FANCD2OS: variants seen among roughly 807,000 people sequenced by gnomAD.
FANCD2OS encodes FANCD2 opposite strand.
A neutral mutation model predicts 13.2 loss-of-function variants in FANCD2OS; 11 were observed. The observed-to-expected ratio is 0.83, with a 90% CI of 0.52 to 1.38. FANCD2OS has a LOEUF of 1.38. Among genes scored for constraint, FANCD2OS ranks in the 40% most tolerant of loss-of-function variants. The pLI, the probability that FANCD2OS is intolerant of heterozygous loss-of-function variation, is 0.00. For synonymous variants in FANCD2OS, 69 were observed against 84.5 expected (o/e 0.82, Z 1.01); for missense variants, 217 against 213.9 (o/e 1.01, Z -0.09).
rs780304251 is a variant in FANCD2OS, at chr3:10,088,534, T to C, written c.*44-7003A>G. On this transcript the variant is annotated intron_variant, in intron 2 of 2. Transcript: ENST00000524279. ...ACATCTCTAATGACCAGCTCCATGCTCTGCTCTGGTGAGATGTTTGGTTTC... is the reference window on the plus strand; with the variant it reads ...ACATCTCTAATGACCAGCTCCATGCCCTGCTCTGGTGAGATGTTTGGTTTC... 4.4e-6 allele frequency: 7 copies of C among 1,599,028 alleles called. No homozygotes were observed. In the Admixed American group the frequency reaches 5.0e-5, roughly 11 times the overall value.
chr3:10,095,159 C>A, intron 2 of FANCD2OS: 1 of 1,499,476 alleles, frequency 6.7e-7, no homozygotes, highest in Non-Finnish European at 9.3e-7. Flanking sequence ...AAAATGAAAT[C>A]AGGACATTTC....
chr3:10,103,275 G>C (rs755243037), downstream of FANCD2OS, among the ~76,000 whole-genome samples: 18 of 152,134 alleles, frequency 1.2e-4, no homozygotes, highest in Non-Finnish European at 2.5e-4. Context: ...GGTGGCACAT[G>C]CCTGTAATCC....
At chr3:10,107,585 C>A (rs573330660) in intron 1 of FANCD2OS, among the ~76,000 whole-genome samples, 5 of 151,648 alleles carry the variant, frequency 3.3e-5, no homozygotes, top group Non-Finnish European at 7.4e-5. Context: ...CGGGCCCGGG[C>A]CCCCCGGATC....
chr3:10,095,548 C>T (rs542414637), intron 2 of FANCD2OS, among the ~76,000 whole-genome samples: 271 of 152,318 alleles, frequency 1.8e-3, no homozygotes, highest in African/African-American at 6.2e-3. Context: ...TATATGTTTA[C>T]TTCTGCAAAG....
chr3:10,081,427 C>G (rs2125060150), exon 3 of FANCD2OS: 1 of 1,614,008 alleles, frequency 6.2e-7, no homozygotes, highest in Non-Finnish European at 8.5e-7. Flanking sequence ...TTCCTGCTAT[C>G]AGAGGCTGCT....
chr3:10,101,442 G>C (rs2125106081), downstream of FANCD2OS: 1 of 553,998 alleles, frequency 1.8e-6, no homozygotes, highest in East Asian at 3.0e-5. Context: ...CTGGAGTGCA[G>C]TGCTGCAATC....
chr3:10,095,710 T>A (rs1183789333), intron 2 of FANCD2OS, among the ~76,000 whole-genome samples: 2 of 152,200 alleles, frequency 1.3e-5, no homozygotes, highest in African/African-American at 4.8e-5. Flanking sequence ...ATTAAAGGAT[T>A]TTTCCACTTG....
At chr3:10,102,830 G>A (rs558320115), downstream of FANCD2OS, 751 of 165,724 alleles carry the variant, frequency 4.5e-3, 15 homozygotes, top group South Asian at 0.025. Context: ...GCAACAGAGC[G>A]AGACTCCGTC....
In FANCD2OS at chr3:10,085,788, C is replaced by T. The variant is rs757127466; in HGVS notation, c.*44-4257G>A. On this transcript the variant is annotated intron_variant, in intron 2 of 2. Coordinates refer to the FANCD2OS transcript ENST00000524279. The stretch of plus-strand genomic sequence containing the variant: ...AGTAGTTTTCCAGAAACTAAGCTAA[C>T]CCCTCTTACCTTGACTTCCTTAGGA... 5.4e-6 allele frequency: 8 copies of T among 1,477,470 alleles called. No individual in the cohort carries two copies. In the African/African-American group the frequency reaches 9.7e-5, roughly 18 times the overall value. The allele number at this position is 1,477,470 out of a possible 1,614,324, so 91.5% of individuals were successfully genotyped here. A position where few individuals can be genotyped will look rare whatever the true frequency, so the allele number is the denominator to read the frequency against.
downstream of FANCD2OS, chr3:10,098,939 T>G: frequency 6.2e-7 from 1 of 1,614,206 alleles, no homozygotes; most frequent in Non-Finnish European, 8.5e-7. Flanking sequence ...CCCATTTCCA[T>G]TCCCTCCATA....
chr3:10,095,396 C>T, intron 2 of FANCD2OS: 1 of 815,632 alleles, frequency 1.2e-6, no homozygotes, highest in Non-Finnish European at 2.1e-6. Context: ...TGTCCAAAGG[C>T]AGTTTATTCA....
At chr3:10,084,802 C>G (rs889215920) in intron 2 of FANCD2OS, among the ~76,000 whole-genome samples, 2 of 152,096 alleles carry the variant, frequency 1.3e-5, no homozygotes, top group Admixed American at 6.6e-5. Context: ...AAAGGTCAGG[C>G]AGAATAATTT....
chr3:10,095,286 A>T, intron 2 of FANCD2OS: 2 of 1,612,344 alleles, frequency 1.2e-6, no homozygotes, highest in Non-Finnish European at 1.7e-6. Flanking sequence ...TAAGAAGGGG[A>T]GCAGGTTCTA....
intron 2 of FANCD2OS, chr3:10,095,005 G>A: frequency 1.6e-6 from 1 of 612,236 alleles, no homozygotes; most frequent in East Asian, 2.8e-5. Context: ...ATTGATACAA[G>A]GGACAGAAAT....
At position 10,104,411 on chromosome 3, in the gene FANCD2OS, C is replaced by T; in HGVS notation, c.364G>A (p.Asp122Asn). The change falls in exon 2 of 2, where the codon GAC (aspartate) becomes AAC (asparagine). Residue 122 changes from aspartate to asparagine, a missense_variant. Physicochemically the swap from Asp to Asn is conservative, Grantham distance 23. Coordinates refer to ENST00000450660, the MANE Select transcript of FANCD2OS (RefSeq NM_001164839.2). Reference sequence around the variant, plus strand: ...ATGATTTTGCAAAAGGCTGACTTGTCTGAAACTCTGAAAGTCCCGGTCCAC... The same window carrying T: ...ATGATTTTGCAAAAGGCTGACTTGTTTGAAACTCTGAAAGTCCCGGTCCAC... ...PKWTGTFRVSDKSAFCKIISR... is the reference protein window; with the variant it reads ...PKWTGTFRVSNKSAFCKIISR... The T allele has an allele frequency of 6.2e-7, 1 of 1,614,188 alleles. No homozygotes were observed.
chr3:10,091,797 AAGAATC>A (rs1374489539), intron 2 of FANCD2OS, among the ~76,000 whole-genome samples: 1 of 152,202 alleles, frequency 6.6e-6, no homozygotes, highest in Non-Finnish European at 1.5e-5. Context: ...CAAGACATAG[AAGAATC>A]AGCAACTACC....
At chr3:10,081,667 C>G (rs1284673455) in intron 2 of FANCD2OS, 1 of 604,094 alleles carries the variant, frequency 1.7e-6, no homozygotes, top group Non-Finnish European at 3.0e-6. Context: ...CTATGTTAAC[C>G]CATTTGACAG....
At chr3:10,101,417 G>T (rs530136960), downstream of FANCD2OS, 418 of 580,028 alleles carry the variant, frequency 7.2e-4, 7 homozygotes, top group South Asian at 7.7e-3. Flanking sequence ...ACGGGGACTC[G>T]CTGTGTTTCC....
At chr3:10,096,257 G>A in intron 2 of FANCD2OS, 3 of 1,518,034 alleles carry the variant, frequency 2.0e-6, no homozygotes, top group Non-Finnish European at 2.7e-6. Context: ...ACATTCAAAG[G>A]TTTCTATAAG....
Sources: allele counts gnomAD v4.1 joint callset (sites outside exome capture counted in the v4.1 genomes callset), GRCh38; gene constraint gnomAD v4.1.1; transcripts MANE v1.5; gene names NCBI Gene and HGNC (gene_info 2026-07-23, HGNC 2026-07-21).